Variants in AZI2 observed in about 807,000 individuals in gnomAD.
AZI2 encodes the protein 5-azacytidine-induced protein 2.
Under a neutral mutation model 45.8 loss-of-function variants are expected in AZI2, and 22 were observed. The observed-to-expected ratio is 0.48, with a 90% CI of 0.34 to 0.69. The LOEUF (loss-of-function observed/expected upper bound fraction) is 0.69. Among genes scored for constraint, AZI2 ranks in the 30% least tolerant of loss-of-function variants. The pLI, the probability that AZI2 is intolerant of heterozygous loss-of-function variation, is 0.01. For missense variants in AZI2, 417 were observed against 441.5 expected, an observed-to-expected ratio of 0.94 and a Z score of 0.50; for synonymous variants, 137 against 156.7, an observed-to-expected ratio of 0.87 and a Z score of 0.94.
rs200751848 is a variant in AZI2 at position 28,326,985 on chromosome 3, A to C, written c.648-35T>G. 30 of 1,411,900 alleles carry C rather than the reference A, an allele frequency of 2.1e-5. No homozygotes were observed. In the East Asian group the frequency reaches 4.9e-4, roughly 23 times the overall value. The allele number at this position is 1,411,900 out of a possible 1,614,324, so 87.5% of individuals were successfully genotyped here. A position where few individuals can be genotyped will look rare whatever the true frequency, so the allele number is the denominator to read the frequency against. On this transcript the variant is annotated intron_variant, in intron 6 of 7. Transcript: ENST00000479665. ...ATTTTTTTACAAAAAGTTAATACTC[A>C]TCATTCTTTTTTAGACAAAAGGGAA...
At chr3:28,328,708 A>T (rs959936714) in intron 6 of AZI2, among the ~76,000 whole-genome samples, 1 of 150,954 alleles carries the variant, frequency 6.6e-6, no homozygotes, top group Admixed American at 6.6e-5. Context: ...TTAAAACTAC[A>T]GATAGACAAA....
At position 28,323,354 on chromosome 3, in the gene AZI2, AT is replaced by A. The variant is rs71626514; in HGVS notation, c.*687del. On this transcript the variant is annotated 3_prime_UTR_variant, in exon 8 of 8. Transcript: ENST00000479665. The stretch of plus-strand genomic sequence containing the variant: ...CACCCCAGAGTTTTTCAACTATTTC[AT>A]TTTTTTTTTTTTTTTTCCCAATTAG... The A allele has an allele frequency of 8.9e-3, 1,184 of 132,770 alleles. 5 individuals are homozygous for A. Among genetic ancestry groups the A allele is most frequent in the East Asian group, 0.027 (121 of 4,548 alleles). The allele number at this position is 132,770 out of a possible 1,614,324, so 8.2% of individuals were successfully genotyped here.
Position 28,348,652 on chromosome 3 carries a change from C to G in AZI2, c.-57G>C. The G allele has an allele frequency of 6.5e-6, 1 of 152,922 alleles. No homozygotes were observed. Among genetic ancestry groups the G allele is most frequent in the Non-Finnish European group, 1.5e-5 (1 of 68,180 alleles). The allele number at this position is 152,922 out of a possible 1,614,324, so 9.5% of individuals were successfully genotyped here. A position where few individuals can be genotyped will look rare whatever the true frequency, so the allele number is the denominator to read the frequency against. On this transcript the variant is annotated 5_prime_UTR_variant, in exon 1 of 8. Transcript: ENST00000479665. ...CCCCAAGGCCGCCGAGTTTCGATTC[C>G]TTAGTGTTTGGAAACGGACCGAAAA...
At position 28,321,709 on chromosome 3, in the gene AZI2, T is replaced by C. The variant is rs1703193493; in HGVS notation, c.*2333A>G. The C allele has an allele frequency of 6.6e-6, 1 of 151,482 alleles. No homozygotes were observed. The highest frequency in any genetic ancestry group is 1.9e-4 in the East Asian group (1 of 5,142). 9.4% of individuals were successfully genotyped at this position (151,482 alleles called of 1,614,324 possible). A position where few individuals can be genotyped will look rare whatever the true frequency, so the allele number is the denominator to read the frequency against. ...CATGATTCAGCTCTTCAAGTCTGAA[T>C]TTTCCCATTTATTTTGGTTTTCTAA... On this transcript the variant is annotated 3_prime_UTR_variant, in exon 8 of 8. Transcript: ENST00000479665.
At chr3:28,331,351 T>C (rs553557666) in intron 6 of AZI2, among the ~76,000 whole-genome samples, 3 of 151,582 alleles carry the variant, frequency 2.0e-5, no homozygotes, top group Non-Finnish European at 3.0e-5. Flanking sequence ...ATGGATACTA[T>C]ACTAGACACA....
At chr3:28,345,843 T>C (rs891016812) in intron 1 of AZI2, among the ~76,000 whole-genome samples, 2 of 152,156 alleles carry the variant, frequency 1.3e-5, no homozygotes, top group African/African-American at 2.4e-5. Context: ...GTCTTTTTTC[T>C]AGGAATAAAT....
At chr3:28,332,070 G>A in intron 6 of AZI2, 1 of 663,450 alleles carries the variant, frequency 1.5e-6, no homozygotes, top group Non-Finnish European at 2.5e-6. Flanking sequence ...AATTCTTCAT[G>A]TACAAATTCA....
rs190674571 is a variant in AZI2, at chr3:28,323,736, C to A, written c.*306G>T. Reference sequence around the variant, plus strand: ...CACGTCTACAATCTCCAATTCCATTCTTCTGAGAGGCAAAATTTTACAATT... The same window carrying A: ...CACGTCTACAATCTCCAATTCCATTATTCTGAGAGGCAAAATTTTACAATT... On this transcript the variant is annotated 3_prime_UTR_variant, in exon 8 of 8. Coordinates refer to ENST00000479665, the MANE Select transcript of AZI2 (RefSeq NM_022461.5). 1.2e-3 allele frequency: 242 copies of A among 208,556 alleles called. 1 individual carries two copies. Among genetic ancestry groups the A allele is most frequent in the Non-Finnish European group, 1.1e-3 (120 of 105,786 alleles). 12.9% of individuals were successfully genotyped at this position (208,556 alleles called of 1,614,324 possible). A position where few individuals can be genotyped will look rare whatever the true frequency, so the allele number is the denominator to read the frequency against.
At chr3:28,328,821 CA>C (rs1195811711) in intron 6 of AZI2, among the ~76,000 whole-genome samples, 3 of 151,200 alleles carry the variant, frequency 2.0e-5, no homozygotes, top group Admixed American at 6.6e-5. Flanking sequence ...CTACAATCTT[CA>C]AAGTGTGTAA....
intron 4 of AZI2, among the ~76,000 whole-genome samples, chr3:28,337,557 T>C (rs1703842620): frequency 6.6e-6 from 1 of 152,148 alleles, no homozygotes. Context: ...AAAAAGAAAT[T>C]GTAACAACTT....
chr3:28,329,582 C>T (rs963366136), intron 6 of AZI2, among the ~76,000 whole-genome samples: 2 of 151,256 alleles, frequency 1.3e-5, no homozygotes, highest in Non-Finnish European at 3.0e-5. Flanking sequence ...CTCTTTAATA[C>T]ACAAATAACT....
At chr3:28,324,540 G>C (rs998449701) in intron 7 of AZI2, 86 bp from the exon 8 acceptor site, 4 of 1,207,230 alleles carry the variant, frequency 3.3e-6, no homozygotes, top group African/African-American at 1.5e-5. Flanking sequence ...TTGAATTCTA[G>C]AACTGGTGAT....
intron 4 of AZI2, 90 bp downstream of exon 4, chr3:28,337,847 G>T: frequency 1.4e-6 from 1 of 722,894 alleles, no homozygotes; most frequent in Non-Finnish European, 2.1e-6. Context: ...TAAGGTCTTA[G>T]CATATGGATA....
chr3:28,327,752 C>T (rs1007536970), intron 6 of AZI2, among the ~76,000 whole-genome samples: 15 of 150,544 alleles, frequency 1.0e-4, no homozygotes, highest in African/African-American at 3.4e-4. Flanking sequence ...TTTTTTGCTG[C>T]TTAATTGCCA....
chr3:28,327,732 A>G (rs1198968949), intron 6 of AZI2, among the ~76,000 whole-genome samples: 1 of 150,986 alleles, frequency 6.6e-6, no homozygotes, highest in Non-Finnish European at 1.5e-5. Flanking sequence ...TCAGACATTC[A>G]TGATTTTCTT....
chr3:28,347,221 T>TA (rs1055336224), intron 1 of AZI2, among the ~76,000 whole-genome samples: 22 of 152,120 alleles, frequency 1.4e-4, no homozygotes, highest in African/African-American at 5.1e-4. Flanking sequence ...TCATGGATTA[T>TA]AAAAAAAACT....
intron 4 of AZI2, among the ~76,000 whole-genome samples, chr3:28,337,650 C>T (rs1161110880): frequency 6.6e-6 from 1 of 152,136 alleles, no homozygotes; most frequent in Non-Finnish European, 1.5e-5. Flanking sequence ...GATTTCACTT[C>T]TACTTCTTGC....
intron 5 of AZI2, among the ~76,000 whole-genome samples, chr3:28,333,055 T>G (rs552117763): frequency 6.6e-6 from 1 of 151,820 alleles, no homozygotes; most frequent in Admixed American, 6.6e-5. Flanking sequence ...TCTAACACAC[T>G]TGTTTGCAAT....
In AZI2 at chr3:28,332,393, T is replaced by C; in HGVS notation, c.623A>G (p.Asp208Gly). ...CCTTGAAATGCTTAGTTTTTGGAGA[T>C]CTCTGCTCTTCAGATTGTCTTCCTG... ...PYQEDNLKSR[D>G]LQKLSISSDN... The change falls in exon 6 of 8, where the codon GAT becomes GGT. Residue 208 changes from aspartate (D) to glycine (G), a missense_variant. Coordinates refer to ENST00000479665, the MANE Select transcript of AZI2 (RefSeq NM_022461.5). The C allele has an allele frequency of 6.2e-7, 1 of 1,608,820 alleles. No individual in the cohort carries two copies. The highest frequency in any genetic ancestry group is 8.5e-7 in the Non-Finnish European group (1 of 1,176,366).
Sources: gnomAD v4.1 joint callset for allele counts (sites outside exome capture counted in the v4.1 genomes callset) on GRCh38, gnomAD v4.1.1 for gene constraint, MANE v1.5 for transcripts, NCBI Gene and HGNC (gene_info 2026-07-23, HGNC 2026-07-21) for gene names.